Variants in KIAA1549L observed in about 807,000 individuals in gnomAD.
The protein encoded by KIAA1549L is KIAA1549 like.
Under a neutral mutation model 160.7 loss-of-function variants are expected in KIAA1549L, and 88 were observed. The observed-to-expected ratio is 0.55, with a 90% CI of 0.46 to 0.65. KIAA1549L has a LOEUF of 0.65. Among genes scored for constraint, KIAA1549L ranks in the 30% least tolerant of loss-of-function variants. The pLI is 0.00. For missense variants in KIAA1549L, 2,258 were observed against 2,437.5 expected (o/e 0.93, Z 1.55); for synonymous variants, 950 against 976.7 (o/e 0.97, Z 0.51).
chr11:33,550,788 C>T (rs1448044967), intron 4 of KIAA1549L, among the ~76,000 whole-genome samples: 1 of 152,132 alleles, frequency 6.6e-6, no homozygotes. Flanking sequence ...TACTGAGGCA[C>T]TTAATAAAAA....
intron 16 of KIAA1549L, among the ~76,000 whole-genome samples, chr11:33,625,211 A>G (rs1346361592): frequency 6.6e-6 from 1 of 152,062 alleles, no homozygotes; most frequent in African/African-American, 2.4e-5. Flanking sequence ...TAGTGCCTCA[A>G]TAAACATACG....
intron 14 of KIAA1549L, among the ~76,000 whole-genome samples, chr11:33,608,320 G>T (rs538912483): frequency 1.0e-3 from 156 of 152,282 alleles, no homozygotes; most frequent in Middle Eastern, 3.4e-3. Flanking sequence ...TGATGATGAT[G>T]ATTATTATTA....
At chr11:33,629,586 C>T (rs896283978) in intron 16 of KIAA1549L, among the ~76,000 whole-genome samples, 3 of 151,666 alleles carry the variant, frequency 2.0e-5, no homozygotes, top group African/African-American at 7.3e-5. Context: ...ACATCGGCTC[C>T]TGAGGCTTCT....
chr11:33,414,516 C>T (rs1317595090), intron 1 of KIAA1549L, among the ~76,000 whole-genome samples: 1 of 152,018 alleles, frequency 6.6e-6, no homozygotes, highest in Admixed American at 6.6e-5. Context: ...GAATAAATTC[C>T]TGGAATAGAG....
chr11:33,581,822 C>G (rs1160190894), intron 10 of KIAA1549L, among the ~76,000 whole-genome samples: 1 of 152,044 alleles, frequency 6.6e-6, no homozygotes, highest in African/African-American at 2.4e-5. Flanking sequence ...ATTAATGTGT[C>G]CAAGATAAAA....
At chr11:33,441,470 G>A (rs1045108323) in intron 1 of KIAA1549L, among the ~76,000 whole-genome samples, 1 of 133,894 alleles carries the variant, frequency 7.5e-6, no homozygotes, top group African/African-American at 2.9e-5. Flanking sequence ...GGTATTTCTA[G>A]TTCTAGATCC....
chr11:33,672,039 T>C lies in KIAA1549L; in HGVS notation c.*3885T>C, dbSNP rs1347230955. 6.6e-6 allele frequency: 1 copy of C among 152,206 alleles called. No homozygotes were observed. The highest frequency in any genetic ancestry group is 1.9e-4 in the East Asian group (1 of 5,200). 9.4% of individuals were successfully genotyped at this position (152,206 alleles called of 1,614,324 possible). On this transcript the variant is annotated 3_prime_UTR_variant, in exon 21 of 21. Coordinates refer to ENST00000658780, the MANE Select transcript of KIAA1549L (RefSeq NM_012194.3). The stretch of plus-strand genomic sequence containing the variant: ...GAGTTTTGCAAGGACTAGAAACCCT[T>C]TCACACTTGAAGTGCAGGTGTTGGC...
At chr11:33,614,576 A>ATTTTTTTTTTTTTTTTTTTTTT (rs1850754072) in intron 15 of KIAA1549L, among the ~76,000 whole-genome samples, 1 of 12,118 alleles carries the variant, frequency 8.3e-5, no homozygotes, top group Non-Finnish European at 1.2e-4. Flanking sequence ...ATATATATAT[A>ATTTTTTTTTTTTTTTTTTTTTT]TATATATATT....
At chr11:33,444,137 T>C (rs1290296888) in intron 1 of KIAA1549L, among the ~76,000 whole-genome samples, 1 of 152,238 alleles carries the variant, frequency 6.6e-6, no homozygotes, top group Non-Finnish European at 1.5e-5. Context: ...ATGGGATCAG[T>C]TTTTCTTTCA....
intron 1 of KIAA1549L, among the ~76,000 whole-genome samples, chr11:33,464,369 G>C (rs1852000799): frequency 6.6e-6 from 1 of 152,138 alleles, no homozygotes; most frequent in Non-Finnish European, 1.5e-5. Flanking sequence ...CCCTAAGATA[G>C]AAAGATGAGT....
intron 1 of KIAA1549L, among the ~76,000 whole-genome samples, chr11:33,407,638 C>G (rs181619094): frequency 5.3e-5 from 8 of 152,268 alleles, no homozygotes; most frequent in Non-Finnish European, 2.9e-5. Context: ...CCTGAGCCAC[C>G]GTGCCCTGCC....
intron 1 of KIAA1549L, among the ~76,000 whole-genome samples, chr11:33,387,153 C>T (rs746079565): frequency 1.3e-5 from 2 of 151,996 alleles, no homozygotes; most frequent in Non-Finnish European, 2.9e-5. Flanking sequence ...GAGAAGTATT[C>T]CCACTTCTGC....
chr11:33,402,626 T>C (rs916867026), intron 1 of KIAA1549L, among the ~76,000 whole-genome samples: 1 of 152,240 alleles, frequency 6.6e-6, no homozygotes, highest in Admixed American at 6.5e-5. Flanking sequence ...CCCTTTGGCT[T>C]TGCTTGCCTA....
intron 16 of KIAA1549L, among the ~76,000 whole-genome samples, chr11:33,642,445 C>T (rs1406743213): frequency 1.3e-5 from 2 of 152,144 alleles, no homozygotes; most frequent in African/African-American, 2.4e-5. Flanking sequence ...CAATGGTGAG[C>T]GCACACTTGG....
chr11:33,494,319 T>C (rs866260144), intron 1 of KIAA1549L, among the ~76,000 whole-genome samples: 1 of 152,152 alleles, frequency 6.6e-6, no homozygotes, highest in Non-Finnish European at 1.5e-5. Context: ...CCATTCCTAA[T>C]GGAAAAGCCA....
At chr11:33,645,193 G>A (rs917500352) in intron 16 of KIAA1549L, among the ~76,000 whole-genome samples, 1 of 152,196 alleles carries the variant, frequency 6.6e-6, no homozygotes, top group African/African-American at 2.4e-5. Context: ...TGATCTAGAA[G>A]CAGGATTTTG....
chr11:33,556,428 G>A (rs1854650117), intron 6 of KIAA1549L, among the ~76,000 whole-genome samples: 1 of 152,140 alleles, frequency 6.6e-6, no homozygotes, highest in African/African-American at 2.4e-5. Flanking sequence ...TAATGAATGA[G>A]TGGATAATCA....
chr11:33,430,848 T>C (rs543440044), intron 1 of KIAA1549L, among the ~76,000 whole-genome samples: 2 of 152,364 alleles, frequency 1.3e-5, no homozygotes, highest in African/African-American at 4.8e-5. Context: ...GGCCTATTAA[T>C]ATTTGTTGAA....
At chr11:33,541,105 C>T (rs961366556) in intron 1 of KIAA1549L, among the ~76,000 whole-genome samples, 8 of 152,204 alleles carry the variant, frequency 5.3e-5, no homozygotes, top group African/African-American at 1.9e-4. Flanking sequence ...TTATGCCCTG[C>T]CTCCTTGTCT....
Sources: gnomAD v4.1 joint callset for allele counts (sites outside exome capture counted in the v4.1 genomes callset) on GRCh38, gnomAD v4.1.1 for gene constraint, MANE v1.5 for transcripts, NCBI Gene and HGNC (gene_info 2026-07-23, HGNC 2026-07-21) for gene names.